The following RBFOX1 variants were observed in gnomAD, a reference collection of about 807,000 sequenced individuals.
RBFOX1 encodes the protein RNA binding fox-1 homolog 1.
A neutral mutation model predicts 57.7 loss-of-function variants in RBFOX1; 8 were observed. The observed-to-expected ratio is 0.14, with a 90% CI of 0.08 to 0.25. The LOEUF is 0.25. RBFOX1 is among the 10% of genes least tolerant of loss of function. The pLI is 1.00. For synonymous variants in RBFOX1, 326 were observed against 222.4 expected, an observed-to-expected ratio of 1.47 and a Z score of -4.15; for missense variants, 611 against 548.5, an observed-to-expected ratio of 1.11 and a Z score of -1.14.
At chr16:6,588,796 A>C (rs2097668156) in intron 2 of RBFOX1, among the ~76,000 whole-genome samples, 1 of 152,174 alleles carries the variant, frequency 6.6e-6, no homozygotes, top group South Asian at 2.1e-4. Context: ...CATTCAGTTC[A>C]ACTTCAGCAC....
intron 1 of RBFOX1, among the ~76,000 whole-genome samples, chr16:6,117,769 A>G (rs1212573801): frequency 6.6e-6 from 1 of 152,266 alleles, no homozygotes; most frequent in Non-Finnish European, 1.5e-5. Flanking sequence ...AAATGGAGTA[A>G]GACGCTATCT....
intron 4 of RBFOX1, among the ~76,000 whole-genome samples, chr16:7,438,946 C>A (rs1485610719): frequency 1.3e-5 from 2 of 152,180 alleles, no homozygotes; most frequent in Admixed American, 1.3e-4. Flanking sequence ...AAAGCCATTT[C>A]AGAAGTCAGC....
intron 4 of RBFOX1, among the ~76,000 whole-genome samples, chr16:7,275,434 C>G (rs1414375144): frequency 1.3e-5 from 2 of 152,140 alleles, no homozygotes; most frequent in African/African-American, 4.8e-5. Flanking sequence ...TGATGATTCT[C>G]CAGACATTAA....
intron 3 of RBFOX1, among the ~76,000 whole-genome samples, chr16:5,756,554 G>C (rs2053404115): frequency 6.6e-6 from 1 of 152,070 alleles, no homozygotes; most frequent in Admixed American, 6.5e-5. Context: ...TAAATTTGAG[G>C]AGTAATGAAT....
chr16:7,707,826 C>T (rs995946065), intron 14 of RBFOX1, among the ~76,000 whole-genome samples: 4 of 152,076 alleles, frequency 2.6e-5, no homozygotes. Context: ...TTTTTTTTCC[C>T]CTTGCTCTGA....
At chr16:5,702,087 G>T (rs1350397202) in intron 3 of RBFOX1, among the ~76,000 whole-genome samples, 2 of 152,150 alleles carry the variant, frequency 1.3e-5, no homozygotes, top group Non-Finnish European at 2.9e-5. Flanking sequence ...TGGGGAATTG[G>T]CTGGGAAGTC....
intron 3 of RBFOX1, among the ~76,000 whole-genome samples, chr16:5,631,068 A>G (rs1447688520): frequency 6.6e-6 from 1 of 152,222 alleles, no homozygotes. Flanking sequence ...CCAGTCCCCA[A>G]AACGTGACTG....
intron 3 of RBFOX1, among the ~76,000 whole-genome samples, chr16:5,646,029 A>ATT (rs112907409): frequency 6.7e-6 from 1 of 148,528 alleles, no homozygotes; most frequent in Non-Finnish European, 1.5e-5. Context: ...TTTTTTTTTA[A>ATT]TTTTTTTTTT....
intron 3 of RBFOX1, among the ~76,000 whole-genome samples, chr16:6,686,176 T>G (rs769563755): frequency 6.6e-6 from 1 of 152,194 alleles, no homozygotes; most frequent in Non-Finnish European, 1.5e-5. Context: ...AACAAATCCC[T>G]TCGATGTAAT....
intron 4 of RBFOX1, among the ~76,000 whole-genome samples, chr16:7,298,539 G>T (rs530203127): frequency 1.3e-5 from 2 of 151,978 alleles, no homozygotes; most frequent in Non-Finnish European, 1.5e-5. Flanking sequence ...TGATCCACTC[G>T]CCTTGGCCTC....
chr16:6,574,424 ATTTTTT>A (rs34505014), intron 2 of RBFOX1, among the ~76,000 whole-genome samples: 26 of 89,938 alleles, frequency 2.9e-4, no homozygotes, highest in South Asian at 4.5e-4. Context: ...CGTATCTTCT[ATTTTTT>A]TTTTTTTTTT....
At chr16:5,741,831 G>A (rs962523242) in intron 3 of RBFOX1, among the ~76,000 whole-genome samples, 1 of 152,166 alleles carries the variant, frequency 6.6e-6, no homozygotes, top group Non-Finnish European at 1.5e-5. Context: ...GGGGATATAA[G>A]ATTTTCTTCT....
chr16:5,295,844 A>T (rs1236569180), intron 1 of RBFOX1, among the ~76,000 whole-genome samples: 1 of 152,224 alleles, frequency 6.6e-6, no homozygotes, highest in Non-Finnish European at 1.5e-5. Flanking sequence ...GATGGGAGGC[A>T]TCTGGTTGCC....
intron 4 of RBFOX1, among the ~76,000 whole-genome samples, chr16:7,346,221 C>G (rs1015790756): frequency 1.3e-5 from 2 of 152,060 alleles, no homozygotes; most frequent in Admixed American, 6.5e-5. Context: ...TTAATCCAGT[C>G]TGTCATTGAT....
intron 2 of RBFOX1, among the ~76,000 whole-genome samples, chr16:6,417,635 C>T (rs1596938914): frequency 6.6e-6 from 1 of 151,358 alleles, no homozygotes; most frequent in African/African-American, 2.4e-5. Context: ...GGTGATCCAC[C>T]TACCTCAGCC....
intron 1 of RBFOX1, among the ~76,000 whole-genome samples, chr16:5,287,582 C>G (rs1422540520): frequency 1.3e-5 from 2 of 152,156 alleles, no homozygotes; most frequent in African/African-American, 2.4e-5. Context: ...TTTCATGGAT[C>G]TATGGATCAG....
intron 4 of RBFOX1, among the ~76,000 whole-genome samples, chr16:7,197,139 G>T (rs2086902357): frequency 6.6e-6 from 1 of 152,106 alleles, no homozygotes; most frequent in African/African-American, 2.4e-5. Context: ...TCTCCAATCT[G>T]TCCTTCATTC....
intron 4 of RBFOX1, among the ~76,000 whole-genome samples, chr16:7,501,042 C>T (rs530475461): frequency 1.2e-3 from 186 of 152,288 alleles, no homozygotes; most frequent in African/African-American, 4.4e-3. Context: ...TTGTAAGTTT[C>T]CTGAGGCCTC....
chr16:5,953,524 A>T (rs1567185096), intron 4 of RBFOX1, among the ~76,000 whole-genome samples: 1 of 151,864 alleles, frequency 6.6e-6, no homozygotes, highest in South Asian at 2.1e-4. Context: ...CCCAAAGTCC[A>T]CTGGGTCATT....
Sources: allele counts gnomAD v4.1 joint callset (sites outside exome capture counted in the v4.1 genomes callset), GRCh38; gene constraint gnomAD v4.1.1; transcripts MANE v1.5; gene names NCBI Gene and HGNC (gene_info 2026-07-23, HGNC 2026-07-21).